Variants in KTN1 observed in about 807,000 individuals in gnomAD.
The protein encoded by KTN1 is kinectin 1.
KTN1 carries 130 observed loss-of-function variants against 222.5 expected under a neutral mutation model. The observed-to-expected ratio is 0.58, with a 90% CI of 0.51 to 0.68. KTN1 has a LOEUF of 0.68. Ranked by LOEUF, KTN1 falls within the 30% of genes least tolerant of loss-of-function variation. KTN1 has a pLI of 0.00. For synonymous variants in KTN1, 512 were observed against 496.3 expected, an observed-to-expected ratio of 1.03 and a Z score of -0.42; for missense variants, 1,508 against 1,500.4, an observed-to-expected ratio of 1.01 and a Z score of -0.08.
intron 33 of KTN1, among the ~76,000 whole-genome samples, chr14:55,664,923 T>G (rs1233294803): frequency 2.6e-5 from 4 of 152,048 alleles, no homozygotes; most frequent in African/African-American, 9.7e-5. Flanking sequence ...GCCATGGTAC[T>G]CTATTGAATC....
At chr14:55,634,064 G>A (rs2040839923) in intron 8 of KTN1, among the ~76,000 whole-genome samples, 1 of 152,044 alleles carries the variant, frequency 6.6e-6, no homozygotes, top group South Asian at 2.1e-4. Context: ...AACCTGGGAG[G>A]TAGAGGTTGC....
chr14:55,587,650 G>A (rs992773741), intron 1 of KTN1, among the ~76,000 whole-genome samples: 2 of 152,066 alleles, frequency 1.3e-5, no homozygotes, highest in South Asian at 2.1e-4. Flanking sequence ...AAATGTTTCC[G>A]TAATTACTTT....
At chr14:55,648,355 A>C (rs1468365899) in intron 20 of KTN1, among the ~76,000 whole-genome samples, 1 of 152,198 alleles carries the variant, frequency 6.6e-6, no homozygotes, top group Non-Finnish European at 1.5e-5. Context: ...CTTGCACCAA[A>C]ATTATAACCA....
At chr14:55,620,916 A>G (rs952725123) in intron 5 of KTN1, among the ~76,000 whole-genome samples, 2 of 152,156 alleles carry the variant, frequency 1.3e-5, no homozygotes, top group African/African-American at 2.4e-5. Context: ...TTTCTTTTCT[A>G]TGGCATCATC....
rs78111466 is a variant in KTN1, at chr14:55,628,395, C to T, written c.1080+367C>T. Among the ~76,000 whole-genome samples the T allele has an allele frequency of 6.0e-3, 919 of 152,232 alleles. 8 individuals are homozygous for T. The highest frequency in any genetic ancestry group is 0.023 in the South Asian group (111 of 4,826). ...AATGGAATAAGTGTGAAACTCTTAA[C>T]ATAGGTAATTTATTTATGGAGCTTC... On this transcript the variant is annotated intron_variant, in intron 6 of 43. Transcript: ENST00000395314.
intron 18 of KTN1, among the ~76,000 whole-genome samples, chr14:55,645,039 T>C (rs1044086646): frequency 6.6e-6 from 1 of 152,154 alleles, no homozygotes; most frequent in Non-Finnish European, 1.5e-5. Context: ...GAGATAGATA[T>C]GTTAAACAGA....
intron 18 of KTN1, chr14:55,644,199 G>A: frequency 2.3e-6 from 1 of 433,168 alleles, no homozygotes; most frequent in Non-Finnish European, 4.1e-6. Flanking sequence ...TGAAAGAAGA[G>A]AAAAGATTGG....
chr14:55,632,903 C>T (rs1467303590), intron 7 of KTN1, among the ~76,000 whole-genome samples: 7 of 152,072 alleles, frequency 4.6e-5, no homozygotes, highest in Admixed American at 3.9e-4. Context: ...TCAGGACAAG[C>T]TTAATTTTGT....
chr14:55,659,748 T>C (rs1395919084), intron 31 of KTN1, 45 bp downstream of exon 31: 3 of 1,078,376 alleles, frequency 2.8e-6, no homozygotes, highest in Non-Finnish European at 4.3e-6. Context: ...CGTAACTATT[T>C]TTATGTGGTA....
intron 1 of KTN1, among the ~76,000 whole-genome samples, chr14:55,611,573 G>C (rs1181189137): frequency 1.3e-5 from 2 of 152,008 alleles, no homozygotes; most frequent in African/African-American, 2.4e-5. Context: ...CTTTTTGCGT[G>C]TGTGTGCATT....
intron 26 of KTN1, 33 bp from the exon 27 acceptor site, chr14:55,652,984 C>CT: frequency 6.3e-7 from 1 of 1,579,242 alleles, no homozygotes; most frequent in Non-Finnish European, 8.7e-7. Context: ...TTATACTTGA[C>CT]TATCAATTTA....
Position 55,618,068 on chromosome 14 carries a change from A to G in KTN1, c.766A>G (p.Lys256Glu), listed in dbSNP as rs1177601558. 1 of 1,612,964 alleles carries G rather than the reference A, an allele frequency of 6.2e-7. No individual in the cohort carries two copies. The highest frequency in any genetic ancestry group is 2.2e-5 in the East Asian group (1 of 44,768). The change falls in exon 4 of 44, where the codon AAA becomes GAA. Residue 256 changes from lysine to glutamate, a missense_variant. Coordinates refer to ENST00000395314, the MANE Select transcript of KTN1 (RefSeq NM_001079521.2). ...VDKREVIDLL[K>E]PDQVEGIQKS... ...TAAGAGAGAGGTTATTGATTTGCTT[A>G]AACCTGACCAAGTAGAAGGGATCCA...
intron 29 of KTN1, 116 bp from the exon 30 acceptor site, chr14:55,658,430 A>T: frequency 1.5e-6 from 1 of 680,398 alleles, no homozygotes; most frequent in South Asian, 1.7e-5. Context: ...CACCCTTTAA[A>T]ATTATTGCTA....
At chr14:55,620,834 AT>A (rs2039041252) in intron 5 of KTN1, among the ~76,000 whole-genome samples, 1 of 152,070 alleles carries the variant, frequency 6.6e-6, no homozygotes, top group Non-Finnish European at 1.5e-5. Context: ...TGTTTTGGTG[AT>A]TTACATTTGG....
intron 1 of KTN1, among the ~76,000 whole-genome samples, chr14:55,596,887 G>C (rs2035134196): frequency 6.6e-6 from 1 of 151,364 alleles, no homozygotes; most frequent in African/African-American, 2.4e-5. Context: ...TCCAATTCAA[G>C]GTAATTATAT....
In KTN1 at chr14:55,636,553, T is replaced by G; in HGVS notation, c.1549+17T>G. On this transcript the variant is annotated intron_variant, in intron 10 of 43. Transcript: ENST00000395314. Reference sequence around the variant, plus strand: ...CACAGCAAGGTAAGGGGAAGAAGTATTCATGTAAACTTTGTATATAATTTT... The same window carrying G: ...CACAGCAAGGTAAGGGGAAGAAGTAGTCATGTAAACTTTGTATATAATTTT... 2.5e-6 allele frequency: 4 copies of G among 1,576,074 alleles called. No individual in the cohort carries two copies. Among genetic ancestry groups the G allele is most frequent in the Non-Finnish European group, 3.5e-6 (4 of 1,152,518 alleles).
intron 5 of KTN1, among the ~76,000 whole-genome samples, chr14:55,623,182 G>T (rs1331192553): frequency 6.6e-6 from 1 of 152,206 alleles, no homozygotes; most frequent in African/African-American, 2.4e-5. Context: ...ATTTATCATA[G>T]CACTATAAGT....
chr14:55,591,062 A>G (rs2034034896), intron 1 of KTN1, among the ~76,000 whole-genome samples: 1 of 152,066 alleles, frequency 6.6e-6, no homozygotes, highest in Non-Finnish European at 1.5e-5. Flanking sequence ...CCTGTTGGAC[A>G]TTGGGTTTCT....
chr14:55,608,542 A>G (rs981744607), intron 1 of KTN1, among the ~76,000 whole-genome samples: 17 of 152,008 alleles, frequency 1.1e-4, no homozygotes, highest in Middle Eastern at 3.4e-3. Context: ...TAATACCTAT[A>G]CTTTGAGTTG....
Sources: allele counts gnomAD v4.1 joint callset (sites outside exome capture counted in the v4.1 genomes callset), GRCh38; gene constraint gnomAD v4.1.1; transcripts MANE v1.5; gene names NCBI Gene and HGNC (gene_info 2026-07-23, HGNC 2026-07-21).